Variants in AUTS2 observed in about 807,000 individuals in gnomAD.
AUTS2 encodes the protein activator of transcription and developmental regulator AUTS2, also known as autism susceptibility gene 2 protein.
AUTS2 carries 17 observed loss-of-function variants against 112.4 expected under a neutral mutation model. The observed-to-expected ratio is 0.15, with a 90% CI of 0.10 to 0.23. AUTS2 has a LOEUF of 0.23. Ranked by LOEUF, AUTS2 falls within the 10% of genes least tolerant of loss-of-function variation. The pLI, the probability that AUTS2 is intolerant of heterozygous loss-of-function variation, is 1.00. For synonymous variants in AUTS2, 751 were observed against 702.7 expected (o/e 1.07, Z -1.09); for missense variants, 1,510 against 1,701.6 (o/e 0.89, Z 1.98).
At chr7:69,759,742 G>T (rs1584200241) in intron 1 of AUTS2, among the ~76,000 whole-genome samples, 3 of 35,468 alleles carry the variant, frequency 8.5e-5, no homozygotes, top group African/African-American at 1.1e-4. Flanking sequence ...CACTTTATTT[G>T]CTGTTATTTT....
chr7:70,282,050 A>G (rs1015284215), intron 4 of AUTS2, among the ~76,000 whole-genome samples: 2 of 151,934 alleles, frequency 1.3e-5, no homozygotes, highest in Admixed American at 6.6e-5. Context: ...GAGTTCTTGG[A>G]GCAATGCTCA....
chr7:70,422,050 A>G (rs985134130), intron 4 of AUTS2, among the ~76,000 whole-genome samples: 1 of 152,302 alleles, frequency 6.6e-6, no homozygotes. Flanking sequence ...GAGTATGAGG[A>G]ATTCTACAAA....
chr7:70,571,473 C>T (rs191561326), intron 5 of AUTS2, among the ~76,000 whole-genome samples: 110 of 152,294 alleles, frequency 7.2e-4, no homozygotes, highest in African/African-American at 2.6e-3. Context: ...TGGAAAGGTA[C>T]AGGACAGGAT....
chr7:70,717,835 T>G (rs1319351771), intron 6 of AUTS2, among the ~76,000 whole-genome samples: 1 of 151,734 alleles, frequency 6.6e-6, no homozygotes, highest in East Asian at 1.9e-4. Context: ...TACACAGAGG[T>G]TTTTGAACCT....
At chr7:70,084,303 G>T (rs1446848953) in intron 2 of AUTS2, among the ~76,000 whole-genome samples, 1 of 152,090 alleles carries the variant, frequency 6.6e-6, no homozygotes, top group Non-Finnish European at 1.5e-5. Flanking sequence ...CATAGTGTGT[G>T]TTTATACATT....
At chr7:69,614,237 C>T (rs1488950882) in intron 1 of AUTS2, among the ~76,000 whole-genome samples, 4 of 152,030 alleles carry the variant, frequency 2.6e-5, no homozygotes, top group African/African-American at 4.8e-5. Flanking sequence ...CCTCACTGGG[C>T]CTGAATTTTC....
At chr7:70,502,991 T>C (rs1475569891) in intron 5 of AUTS2, among the ~76,000 whole-genome samples, 2 of 151,976 alleles carry the variant, frequency 1.3e-5, no homozygotes, top group African/African-American at 2.4e-5. Context: ...AATACCAGTA[T>C]CTATCACCAT....
chr7:70,033,562 G>A (rs1800873353), intron 2 of AUTS2, among the ~76,000 whole-genome samples: 1 of 152,178 alleles, frequency 6.6e-6, no homozygotes, highest in African/African-American at 2.4e-5. Context: ...AAGCAGTAGA[G>A]TCAAAATTGA....
intron 6 of AUTS2, among the ~76,000 whole-genome samples, chr7:70,723,384 T>C (rs1786814143): frequency 6.6e-6 from 1 of 151,474 alleles, no homozygotes; most frequent in South Asian, 2.1e-4. Flanking sequence ...AGATGGGAGG[T>C]TTTTCGGACC....
chr7:70,044,458 G>GTATCAC (rs1163199153), intron 2 of AUTS2, among the ~76,000 whole-genome samples: 1 of 152,018 alleles, frequency 6.6e-6, no homozygotes, highest in African/African-American at 2.4e-5. Flanking sequence ...CTGGGGATGG[G>GTATCAC]TATCACTAAC....
At chr7:69,992,947 A>G (rs1798798964) in intron 2 of AUTS2, among the ~76,000 whole-genome samples, 1 of 152,170 alleles carries the variant, frequency 6.6e-6, no homozygotes, top group Non-Finnish European at 1.5e-5. Context: ...AGACAGTATT[A>G]CCTTTAATGT....
intron 1 of AUTS2, among the ~76,000 whole-genome samples, chr7:69,727,288 C>T (rs1047076580): frequency 2.0e-5 from 3 of 152,058 alleles, no homozygotes; most frequent in Non-Finnish European, 4.4e-5. Context: ...CTGGCACCTC[C>T]GTTGAAAATC....
intron 2 of AUTS2, among the ~76,000 whole-genome samples, chr7:70,074,515 CT>C (rs1802933584): frequency 6.6e-6 from 1 of 152,158 alleles, no homozygotes; most frequent in Non-Finnish European, 1.5e-5. Context: ...GTGGGAGCCT[CT>C]TTATCCCTCT....
intron 4 of AUTS2, among the ~76,000 whole-genome samples, chr7:70,166,842 C>A (rs1808409278): frequency 6.6e-6 from 1 of 152,082 alleles, no homozygotes; most frequent in Non-Finnish European, 1.5e-5. Flanking sequence ...AAGTAAAACC[C>A]AATTTTGTGC....
At position 70,169,494 on chromosome 7, in the gene AUTS2, A is replaced by G. The variant is rs896892844; in HGVS notation, c.660+34923A>G. Among the ~76,000 whole-genome samples the G allele has an allele frequency of 2.6e-5, 4 of 152,026 alleles. No individual in the cohort carries two copies. The East Asian group carries it at 5.8e-4, about 22-fold the overall frequency. ...CCGACCTCATGATCTGCCTGCGTCTACCTCCCAAAGTGCTGGGATTACAGG... is the reference window on the plus strand; with the variant it reads ...CCGACCTCATGATCTGCCTGCGTCTGCCTCCCAAAGTGCTGGGATTACAGG... On this transcript the variant is annotated intron_variant, in intron 4 of 18. Transcript: ENST00000342771.
chr7:70,359,585 T>G (rs1792166045), intron 4 of AUTS2, among the ~76,000 whole-genome samples: 1 of 152,142 alleles, frequency 6.6e-6, no homozygotes, highest in South Asian at 2.1e-4. Context: ...GCCCTTGCTT[T>G]ATCTCAGCCG....
At chr7:69,924,880 A>G (rs1352574378) in intron 2 of AUTS2, among the ~76,000 whole-genome samples, 1 of 152,174 alleles carries the variant, frequency 6.6e-6, no homozygotes, top group South Asian at 2.1e-4. Flanking sequence ...GATAGGTAGA[A>G]TTTGTCAGTG....
rs1039993100 is a variant in AUTS2, at chr7:70,641,849, T to G, written c.691-56720T>G. On this transcript the variant is annotated intron_variant, in intron 5 of 18. Coordinates refer to ENST00000342771, the MANE Select transcript of AUTS2 (RefSeq NM_015570.4). ...TGTTTCTTGTCACTCCACATAACAT[T>G]TTTAGAATCTGGCCTTGCTGGTGGT... 8.5e-5 allele frequency among the ~76,000 whole-genome samples: 13 copies of G among 152,208 alleles called. No homozygotes were observed. The East Asian group carries it at 2.5e-3, about 29-fold the overall frequency.
chr7:69,739,552 A>G (rs996603806), intron 1 of AUTS2, among the ~76,000 whole-genome samples: 1 of 152,162 alleles, frequency 6.6e-6, no homozygotes, highest in African/African-American at 2.4e-5. Context: ...TTGCAAGCTC[A>G]AAAGAAAACA....
Sources: allele counts gnomAD v4.1 joint callset (sites outside exome capture counted in the v4.1 genomes callset), GRCh38; gene constraint gnomAD v4.1.1; transcripts MANE v1.5; gene names NCBI Gene and HGNC (gene_info 2026-07-23, HGNC 2026-07-21).